APBB2: variants seen among roughly 807,000 people sequenced by gnomAD.
APBB2 encodes the protein amyloid beta precursor protein binding family B member 2, also known as Fe65-like 1.
Under a neutral mutation model 82.5 loss-of-function variants are expected in APBB2, and 38 were observed. That is an observed-to-expected ratio of 0.46 (90% CI 0.36 to 0.60). The LOEUF (loss-of-function observed/expected upper bound fraction) is 0.60. Ranked by LOEUF, APBB2 falls within the 20% of genes least tolerant of loss-of-function variation. The probability of loss-of-function intolerance (pLI) is 0.00; values close to 1 mark genes in which losing one functional copy is unlikely to be tolerated. For synonymous variants in APBB2, 341 were observed against 368.2 expected (o/e 0.93, Z 0.85); for missense variants, 772 against 972.3 (o/e 0.79, Z 2.74).
intron 5 of APBB2, among the ~76,000 whole-genome samples, chr4:41,030,552 A>T (rs1716351513): frequency 6.6e-6 from 1 of 152,118 alleles, no homozygotes. Context: ...GGTATGCACC[A>T]CTACACCTAG....
chr4:40,829,163 A>T lies in APBB2; in HGVS notation c.1644+1300T>A, dbSNP rs75829369. Among the ~76,000 whole-genome samples, 217 of 152,312 alleles carry T rather than the reference A, an allele frequency of 1.4e-3. 3 individuals are homozygous for T. The East Asian group carries it at 0.02, about 14-fold the overall frequency. Reference sequence around the variant, plus strand: ...AGCTGCCACCATGTGAAGAGAAATCAGGGGGTGATGTGGTTGCCAAGAACA... The same window carrying T: ...AGCTGCCACCATGTGAAGAGAAATCTGGGGGTGATGTGGTTGCCAAGAACA... On this transcript the variant is annotated intron_variant, in intron 13 of 17. Transcript: ENST00000508593.
rs563545347 is a variant in APBB2 at position 41,060,944 on chromosome 4, G to A, written c.-51+4632C>T. The stretch of plus-strand genomic sequence containing the variant: ...AACGATCATTCATCATGAGTAATGG[G>A]TAATAAAAATAAGGAGCAGTGAAAG... On this transcript the variant is annotated intron_variant, in intron 4 of 17. Coordinates refer to ENST00000508593, the MANE Select transcript of APBB2 (RefSeq NM_004307.2). Among the ~76,000 whole-genome samples the A allele has an allele frequency of 5.9e-5, 9 of 152,282 alleles. No individual in the cohort carries two copies. The South Asian group carries it at 1.9e-3, about 32-fold the overall frequency.
At chr4:40,822,185 G>A (rs999475849) in intron 16 of APBB2, 135 bp from the exon 17 acceptor site, 18 of 1,027,614 alleles carry the variant, frequency 1.8e-5, no homozygotes, top group Middle Eastern at 2.4e-4. Flanking sequence ...CTCGAAAGGC[G>A]GAACCTTGCC....
chr4:40,916,601 C>T (rs183988974), intron 10 of APBB2, among the ~76,000 whole-genome samples: 14 of 152,242 alleles, frequency 9.2e-5, no homozygotes, highest in Middle Eastern at 3.4e-3. Flanking sequence ...GTAACATACC[C>T]GTGTCTCTGT....
intron 3 of APBB2, among the ~76,000 whole-genome samples, chr4:41,097,510 C>T (rs1743913310): frequency 6.6e-6 from 1 of 152,140 alleles, no homozygotes; most frequent in Non-Finnish European, 1.5e-5. Flanking sequence ...AAAAGTGATG[C>T]TGTAGGTAAA....
chr4:40,851,532 T>C (rs1015846222), intron 12 of APBB2, among the ~76,000 whole-genome samples: 9 of 152,050 alleles, frequency 5.9e-5, no homozygotes, highest in African/African-American at 1.7e-4. Context: ...CTTGGCCCCA[T>C]TGTCAATTGT....
intron 1 of APBB2, among the ~76,000 whole-genome samples, chr4:41,181,903 G>A (rs574722345): frequency 5.8e-4 from 80 of 138,138 alleles, no homozygotes; most frequent in Admixed American, 7.8e-4. Flanking sequence ...TCGAGATCAC[G>A]CCATTGCACC....
chr4:41,097,515 G>C (rs1743915347), intron 3 of APBB2, among the ~76,000 whole-genome samples: 1 of 152,104 alleles, frequency 6.6e-6, no homozygotes, highest in Non-Finnish European at 1.5e-5. Context: ...TGATGCTGTA[G>C]GTAAATACTT....
At chr4:41,012,069 G>C (rs185414191) in intron 6 of APBB2, among the ~76,000 whole-genome samples, 1 of 152,008 alleles carries the variant, frequency 6.6e-6, no homozygotes, top group African/African-American at 2.4e-5. Flanking sequence ...GGGTCTTACT[G>C]GTCTTGAACT....
At chr4:41,086,945 C>A (rs1222408568) in intron 3 of APBB2, among the ~76,000 whole-genome samples, 166 of 3,770 alleles carry the variant, frequency 0.044, no homozygotes, top group African/African-American at 0.11. Flanking sequence ...CACACACACA[C>A]ACACAAAAAA....
chr4:41,160,037 A>AGAAGAAGAC (rs1258514181), intron 1 of APBB2, among the ~76,000 whole-genome samples: 3 of 146,288 alleles, frequency 2.1e-5, no homozygotes, highest in African/African-American at 5.5e-5. Context: ...AAGAAGAAGA[A>AGAAGAAGAC]AACATCACAG....
chr4:41,131,055 G>C (rs1755830135), intron 2 of APBB2, among the ~76,000 whole-genome samples: 1 of 152,170 alleles, frequency 6.6e-6, no homozygotes, highest in Admixed American at 6.5e-5. Flanking sequence ...ACATGCGAGA[G>C]TACAATGTTT....
At chr4:40,960,355 C>A (rs1177098639) in intron 6 of APBB2, among the ~76,000 whole-genome samples, 1 of 151,306 alleles carries the variant, frequency 6.6e-6, no homozygotes, top group Non-Finnish European at 1.5e-5. Context: ...AGAGAATAGA[C>A]CCATGGGGTT....
At chr4:41,213,962 C>T (rs1157147087) in intron 1 of APBB2, among the ~76,000 whole-genome samples, 1 of 152,234 alleles carries the variant, frequency 6.6e-6, no homozygotes, top group Non-Finnish European at 1.5e-5. Context: ...AGGGGGTGTG[C>T]GCTCTTCCCG....
intron 6 of APBB2, among the ~76,000 whole-genome samples, chr4:40,971,964 G>C (rs1335773550): frequency 2.0e-5 from 3 of 152,122 alleles, no homozygotes; most frequent in Non-Finnish European, 4.4e-5. Flanking sequence ...TTCATAAGAA[G>C]AGTGACCAGA....
At chr4:41,013,197 TCC>T (rs1450193112) in intron 6 of APBB2, among the ~76,000 whole-genome samples, 1 of 152,202 alleles carries the variant, frequency 6.6e-6, no homozygotes, top group African/African-American at 2.4e-5. Context: ...GTTATATCCT[TCC>T]CCCAACAACT....
chr4:41,144,068 T>C (rs1045936240), intron 1 of APBB2, among the ~76,000 whole-genome samples: 1 of 152,256 alleles, frequency 6.6e-6, no homozygotes, highest in Non-Finnish European at 1.5e-5. Context: ...TAAGAGCTAA[T>C]AGATTAAGAA....
chr4:40,846,015 GGTGTGT>G (rs58613884), intron 12 of APBB2, among the ~76,000 whole-genome samples: 2,097 of 119,804 alleles, frequency 0.018, 72 homozygotes, highest in African/African-American at 0.054. Context: ...GTGTGAGTGG[GGTGTGT>G]GTGTGTGTGT....
intron 12 of APBB2, among the ~76,000 whole-genome samples, chr4:40,835,815 C>T (rs1753727934): frequency 6.6e-6 from 1 of 152,226 alleles, no homozygotes; most frequent in Non-Finnish European, 1.5e-5. Flanking sequence ...GCTAAATCAG[C>T]ATCTGCGAGA....
Sources: gnomAD v4.1 joint callset for allele counts (sites outside exome capture counted in the v4.1 genomes callset) on GRCh38, gnomAD v4.1.1 for gene constraint, MANE v1.5 for transcripts, NCBI Gene and HGNC (gene_info 2026-07-23, HGNC 2026-07-21) for gene names.